Variants in STT3A observed in about 807,000 individuals in gnomAD.
STT3A encodes the protein dolichyl-diphosphooligosaccharide--protein glycosyltransferase subunit STT3A.
STT3A carries 34 observed loss-of-function variants against 89.2 expected under a neutral mutation model. That is an observed-to-expected ratio of 0.38 (90% CI 0.29 to 0.51). The LOEUF (loss-of-function observed/expected upper bound fraction) is 0.51. Ranked by LOEUF, STT3A falls within the 20% of genes least tolerant of loss-of-function variation. The probability of loss-of-function intolerance (pLI) is 0.89; values close to 1 mark genes in which losing one functional copy is unlikely to be tolerated. For missense variants in STT3A, 555 were observed against 889.5 expected (o/e 0.62, Z 4.78); for synonymous variants, 282 against 310.3 (o/e 0.91, Z 0.96).
chr11:125,612,558 T>C, intron 11 of STT3A, 34 bp from the exon 12 acceptor site: 2 of 1,595,462 alleles, frequency 1.3e-6, no homozygotes, highest in South Asian at 1.1e-5. Context: ...TGTGGAACAC[T>C]GATTAGACTG....
Position 125,618,377 on chromosome 11 carries a change from C to A in STT3A, c.1779C>A (p.Ile593=), listed in dbSNP as rs2135947592. Residue 593 remains isoleucine (I), a synonymous_variant, in exon 16 of 18, where the codon ATC becomes ATA. Transcript: ENST00000392708. ...GGLTGYSSDD[I]NKFLWMVRIG... ...CTTTTTTTTTTTTTCTCCTAGATAT[C>A]AACAAGTTTCTTTGGATGGTCCGGA... 1 of 1,571,922 alleles carries A rather than the reference C, an allele frequency of 6.4e-7. No homozygotes were observed. The highest frequency in any genetic ancestry group is 1.9e-5 in the Admixed American group (1 of 51,468).
chr11:125,617,172 TAAG>T (rs1349237525), intron 15 of STT3A, among the ~76,000 whole-genome samples: 1 of 152,192 alleles, frequency 6.6e-6, no homozygotes, highest in East Asian at 1.9e-4. Context: ...AATATGAAGA[TAAG>T]AATGCAGACA....
chr11:125,621,640 T>A lies in STT3A; in HGVS notation c.*830T>A, dbSNP rs1032229343. ...GACCCTTTACTCAAAACTCTTGTGG[T>A]TGTTCAAAGGTGAGCTTCTTTTTCC... On this transcript the variant is annotated 3_prime_UTR_variant, in exon 18 of 18. Transcript: ENST00000392708. 2 of 152,230 alleles carry A rather than the reference T, an allele frequency of 1.3e-5. No individual in the cohort carries two copies. Among genetic ancestry groups the A allele is most frequent in the African/African-American group, 4.8e-5 (2 of 41,446 alleles). The allele number at this position is 152,230 out of a possible 1,614,324, so 9.4% of individuals were successfully genotyped here.
chr11:125,618,609 A>AC lies in STT3A; in HGVS notation c.1963+49dup, dbSNP rs751749220. On this transcript the variant is annotated intron_variant, in intron 16 of 17. Coordinates refer to ENST00000392708, the MANE Select transcript of STT3A (RefSeq NM_152713.5). ...AATAACAGTAGTAATAATAGTGATT[A>AC]CTAATACACAGTATTTTCCATATGC... 640 of 1,551,854 alleles carry AC rather than the reference A, an allele frequency of 4.1e-4. 1 individual carries two copies. The highest frequency in any genetic ancestry group is 5.1e-4 in the Non-Finnish European group (585 of 1,144,768).
chr11:125,611,817 G>A (rs542017615), intron 11 of STT3A, among the ~76,000 whole-genome samples: 2 of 148,540 alleles, frequency 1.3e-5, no homozygotes, highest in South Asian at 4.3e-4. Flanking sequence ...TTTCTTGAAG[G>A]CTTGGGAGTA....
At position 125,614,826 on chromosome 11, in the gene STT3A, T is replaced by TTA. The variant is rs1165350233; in HGVS notation, c.1774+411_1774+412dup. ...ACAGCGTGTAAAAAAAGAGAACATT[T>TTA]TATATATATATAAAATATATATAAA... On this transcript the variant is annotated intron_variant, in intron 15 of 17. Transcript: ENST00000392708. This position sits in a 1 kb window ranked among gnomAD's most constrained non-coding sequence, Gnocchi z 4.9. 6.6e-6 allele frequency among the ~76,000 whole-genome samples: 1 copy of TTA among 151,234 alleles called. No individual in the cohort carries two copies. Among genetic ancestry groups the TTA allele is most frequent in the Non-Finnish European group, 1.5e-5 (1 of 67,840 alleles).
At chr11:125,600,591 G>A (rs1164657019) in intron 3 of STT3A, among the ~76,000 whole-genome samples, 1 of 151,436 alleles carries the variant, frequency 6.6e-6, no homozygotes, top group South Asian at 2.1e-4. Flanking sequence ...TTGAACTCCT[G>A]AGCTCAAGTG....
At chr11:125,602,564 A>G in intron 4 of STT3A, 140 bp downstream of exon 4, 2 of 1,168,554 alleles carry the variant, frequency 1.7e-6, no homozygotes, top group Non-Finnish European at 2.4e-6. Flanking sequence ...CTAAAAGTGC[A>G]TCTTACATAA....
At chr11:125,605,580 C>G (rs1565345947) in intron 6 of STT3A, 49 bp from the exon 7 acceptor site, 1 of 1,373,406 alleles carries the variant, frequency 7.3e-7, no homozygotes, top group South Asian at 1.2e-5. Context: ...TTCTTAATGA[C>G]TATACTAGCC....
In STT3A at chr11:125,620,834, C is replaced by G. The variant is rs1940325792; in HGVS notation, c.*24C>G. On this transcript the variant is annotated 3_prime_UTR_variant, in exon 18 of 18. Coordinates refer to ENST00000392708, the MANE Select transcript of STT3A (RefSeq NM_152713.5). ...AAATGTCACGTCCAGCTCTGATATG[C>G]TTCGCACTGAGCACATCACATTTAG... 2 of 1,589,826 alleles carry G rather than the reference C, an allele frequency of 1.3e-6. No homozygotes were observed. Among genetic ancestry groups the G allele is most frequent in the African/African-American group, 1.4e-5 (1 of 73,598 alleles).
At position 125,613,915 on chromosome 11, in the gene STT3A, T is replaced by C; in HGVS notation, c.1555-172T>C. 1 of 612,434 alleles carries C rather than the reference T, an allele frequency of 1.6e-6. No homozygotes were observed. The highest frequency in any genetic ancestry group is 2.9e-6 in the Non-Finnish European group (1 of 339,826). The allele number at this position is 612,434 out of a possible 1,614,324, so 37.9% of individuals were successfully genotyped here. ...CTGAGATTTTATAATTGTATATAAA[T>C]GGAAGACCAGGTGCCAGGATTTATT... is the stretch of plus-strand genomic sequence containing the variant. On this transcript the variant is annotated intron_variant, in intron 13 of 17. Coordinates refer to ENST00000392708, the MANE Select transcript of STT3A (RefSeq NM_152713.5). This position sits in a 1 kb window ranked among gnomAD's most constrained non-coding sequence, Gnocchi z 4.2.
intron 3 of STT3A, among the ~76,000 whole-genome samples, chr11:125,599,761 G>A (rs1019729761): frequency 9.5e-5 from 14 of 147,888 alleles, no homozygotes; most frequent in South Asian, 2.1e-4. Context: ...ATGGAGTTTC[G>A]CTCTTGTTGC....
At chr11:125,611,652 A>G in intron 11 of STT3A, 133 bp downstream of exon 11, 1 of 801,418 alleles carries the variant, frequency 1.2e-6, no homozygotes, top group Non-Finnish European at 2.0e-6. Context: ...AATGAGTTGT[A>G]AGTTGTTGAT....
upstream of STT3A, chr11:125,592,450 T>C (rs555747310): frequency 1.5e-4 from 70 of 456,330 alleles, 1 homozygote; most frequent in African/African-American, 1.3e-3. Flanking sequence ...CGGCTCCGCA[T>C]TCCGAGTTAC....
At position 125,614,360 on chromosome 11, in the gene STT3A, A is replaced by G. The variant is rs1480543161; in HGVS notation, c.1708A>G (p.Met570Val). The G allele has an allele frequency of 3.1e-6, 5 of 1,614,064 alleles. No homozygotes were observed. The highest frequency in any genetic ancestry group is 4.2e-6 in the Non-Finnish European group (5 of 1,180,038). ...CACAGAGGAAAAAGCCTATGAGATC[A>G]TGAGGGAGCTCGATGTCAGCTATGT... ...ASTEEKAYEI[M>V]RELDVSYVLV... The change falls in exon 15 of 18, where the codon ATG (methionine) becomes GTG (valine). Residue 570 changes from methionine to valine, a missense_variant. By Grantham distance (21) the Met-to-Val change is conservative. Coordinates refer to ENST00000392708, the MANE Select transcript of STT3A (RefSeq NM_152713.5). This position sits in a 1 kb window ranked among gnomAD's most constrained non-coding sequence, Gnocchi z 4.9.
intron 10 of STT3A, chr11:125,610,672 T>C (rs66730550): frequency 0.39 from 59,731 of 151,684 alleles, 12,174 homozygotes; most frequent in African/African-American, 0.5. Flanking sequence ...GGCAATATAG[T>C]GAGACCCCTG....
rs1940330929 is a variant in STT3A, at chr11:125,620,936, C to G, written c.*126C>G. 2 of 773,362 alleles carry G rather than the reference C, an allele frequency of 2.6e-6. No individual in the cohort carries two copies. The highest frequency in any genetic ancestry group is 4.0e-5 in the South Asian group (2 of 49,656). 47.9% of individuals were successfully genotyped at this position (773,362 alleles called of 1,614,324 possible). A position where few individuals can be genotyped will look rare whatever the true frequency, so the allele number is the denominator to read the frequency against. On this transcript the variant is annotated 3_prime_UTR_variant, in exon 18 of 18. Transcript: ENST00000392708. ...CAAAACTGGATGGCATCAGAATTGT[C>G]TGGAAGTTTTGTCTTGGGCAGTATG...
chr11:125,594,651 T>C (rs1166708010), intron 1 of STT3A, among the ~76,000 whole-genome samples: 1 of 151,870 alleles, frequency 6.6e-6, no homozygotes, highest in Admixed American at 6.6e-5. Context: ...GGTAGATTAG[T>C]GCTATATTGC....
chr11:125,595,783 G>T, intron 1 of STT3A, 98 bp from the exon 2 acceptor site: 1 of 646,260 alleles, frequency 1.5e-6, no homozygotes, highest in African/African-American at 1.8e-5. Context: ...GTTTTTGCTA[G>T]CTCCTACGTC....
Sources: allele counts gnomAD v4.1 joint callset (sites outside exome capture counted in the v4.1 genomes callset), GRCh38; gene constraint gnomAD v4.1.1; non-coding constraint Gnocchi (gnomAD v3.1); transcripts MANE v1.5; gene names NCBI Gene and HGNC (gene_info 2026-07-23, HGNC 2026-07-21).